Variants in SPOCK1 observed in about 807,000 individuals in gnomAD.
SPOCK1 encodes the protein testican-1.
A neutral mutation model predicts 55.3 loss-of-function variants in SPOCK1; 23 were observed. The observed-to-expected ratio is 0.42, with a 90% CI of 0.30 to 0.59. SPOCK1 has a LOEUF of 0.59. Among genes scored for constraint, SPOCK1 ranks in the 20% least tolerant of loss-of-function variants. The probability of loss-of-function intolerance (pLI) is 0.22; values close to 1 mark genes in which losing one functional copy is unlikely to be tolerated. For missense variants in SPOCK1, 499 were observed against 552.5 expected, an observed-to-expected ratio of 0.90 and a Z score of 0.97; for synonymous variants, 226 against 221.0, an observed-to-expected ratio of 1.02 and a Z score of -0.20.
intron 5 of SPOCK1, among the ~76,000 whole-genome samples, chr5:137,070,011 G>A (rs932601241): frequency 6.6e-6 from 1 of 152,152 alleles, no homozygotes; most frequent in African/African-American, 2.4e-5. Flanking sequence ...TCTTGCAGCA[G>A]CACCTCCCTG....
intron 2 of SPOCK1, among the ~76,000 whole-genome samples, chr5:137,495,410 A>C (rs995873888): frequency 3.3e-5 from 5 of 152,220 alleles, no homozygotes; most frequent in African/African-American, 4.8e-5. Context: ...CTCTAAGAGC[A>C]GCCCTTAGTT....
chr5:137,482,921 G>A (rs941982451), intron 2 of SPOCK1, among the ~76,000 whole-genome samples: 1 of 152,124 alleles, frequency 6.6e-6, no homozygotes, highest in African/African-American at 2.4e-5. Context: ...TAACTCATAG[G>A]TAAATAAACA....
intron 2 of SPOCK1, among the ~76,000 whole-genome samples, chr5:137,288,462 A>T (rs1000659633): frequency 3.2e-4 from 48 of 152,204 alleles, no homozygotes; most frequent in African/African-American, 1.1e-3. Context: ...CTTCCCAGGC[A>T]CAGCCAATTC....
chr5:137,121,778 T>C (rs62374898), intron 4 of SPOCK1, among the ~76,000 whole-genome samples: 2 of 146,836 alleles, frequency 1.4e-5, no homozygotes, highest in African/African-American at 2.5e-5. Context: ...ATATATAAAA[T>C]AGGGATACTA....
At chr5:137,278,071 T>C (rs1463806739) in intron 2 of SPOCK1, among the ~76,000 whole-genome samples, 1 of 152,128 alleles carries the variant, frequency 6.6e-6, no homozygotes, top group Non-Finnish European at 1.5e-5. Flanking sequence ...TGGCATGAAG[T>C]TTTCTTTAGC....
intron 2 of SPOCK1, among the ~76,000 whole-genome samples, chr5:137,473,725 C>T (rs1331468725): frequency 6.6e-6 from 1 of 152,142 alleles, no homozygotes; most frequent in Non-Finnish European, 1.5e-5. Context: ...AACACTACTC[C>T]TTTAAACCTT....
At chr5:137,421,492 G>A (rs962276083) in intron 2 of SPOCK1, among the ~76,000 whole-genome samples, 3 of 152,156 alleles carry the variant, frequency 2.0e-5, no homozygotes, top group Non-Finnish European at 2.9e-5. Context: ...TGTATTGGGT[G>A]CATATATATT....
chr5:137,498,736 G>C, intron 1 of SPOCK1, 178 bp from the exon 2 acceptor site: 1 of 311,080 alleles, frequency 3.2e-6, no homozygotes, highest in Non-Finnish European at 5.3e-6. Flanking sequence ...CTCACGAATG[G>C]GGGACTCATC....
At chr5:137,292,426 TAAAAAAAAAAAAAAAAAAAAAAAAAA>T (rs753574851) in intron 2 of SPOCK1, among the ~76,000 whole-genome samples, 726 of 38,014 alleles carry the variant, frequency 0.019, 14 homozygotes, top group Middle Eastern at 0.12. Flanking sequence ...CTGGTGTAGT[TAAAAAAAAAAAAAAAAAAAAAAAAAA>T]AAAAAAAAAA....
chr5:137,361,359 G>T (rs1459520411), intron 2 of SPOCK1, among the ~76,000 whole-genome samples: 4 of 152,214 alleles, frequency 2.6e-5, no homozygotes, highest in Admixed American at 2.0e-4. Flanking sequence ...TAATGGGAGA[G>T]ATAAGGTCTA....
At chr5:137,207,675 C>T (rs752152698) in intron 3 of SPOCK1, among the ~76,000 whole-genome samples, 1 of 152,078 alleles carries the variant, frequency 6.6e-6, no homozygotes, top group Admixed American at 6.5e-5. Flanking sequence ...GGGTCAGGAA[C>T]CAATATTTAC....
chr5:137,091,288 G>T (rs1251973153), intron 5 of SPOCK1, among the ~76,000 whole-genome samples: 1 of 152,180 alleles, frequency 6.6e-6, no homozygotes, highest in Admixed American at 6.5e-5. Context: ...ACAGTAGTAG[G>T]TGCTGTGAAT....
At chr5:137,106,652 C>T (rs1438483313) in intron 5 of SPOCK1, among the ~76,000 whole-genome samples, 1 of 152,134 alleles carries the variant, frequency 6.6e-6, no homozygotes, top group South Asian at 2.1e-4. Flanking sequence ...CTCCCTCACA[C>T]CAGGCCCAGA....
chr5:137,007,634 A>G (rs536456567), intron 6 of SPOCK1, among the ~76,000 whole-genome samples: 1 of 152,334 alleles, frequency 6.6e-6, no homozygotes, highest in Non-Finnish European at 1.5e-5. Context: ...AAAAGTCAGG[A>G]AACAAAAGAT....
intron 2 of SPOCK1, among the ~76,000 whole-genome samples, chr5:137,287,937 G>C (rs1299801386): frequency 2.0e-5 from 3 of 152,152 alleles, no homozygotes; most frequent in African/African-American, 7.2e-5. Flanking sequence ...AAATGCAAAG[G>C]GAAGTCCCAT....
chr5:137,018,684 T>C (rs1283697868), intron 6 of SPOCK1, among the ~76,000 whole-genome samples: 1 of 152,226 alleles, frequency 6.6e-6, no homozygotes, highest in Admixed American at 6.5e-5. Flanking sequence ...TCTCTCCTTA[T>C]TATACAAATG....
In SPOCK1 at chr5:137,182,424, C is replaced by G. The variant is rs1580794672; in HGVS notation, c.233-41730G>C. On this transcript the variant is annotated intron_variant, in intron 3 of 10. Coordinates refer to ENST00000394945, the MANE Select transcript of SPOCK1 (RefSeq NM_004598.4). ...ACTTTTCCTAAACAATGTCTCAGCT[C>G]TTGGTTATTCAACAAATATTTGCCA... Among the ~76,000 whole-genome samples, 4 of 152,228 alleles carry G rather than the reference C, an allele frequency of 2.6e-5. No individual in the cohort carries two copies. The East Asian group carries it at 5.8e-4, about 22-fold the overall frequency.
chr5:137,461,205 A>C (rs1294034269), intron 2 of SPOCK1, among the ~76,000 whole-genome samples: 1 of 152,242 alleles, frequency 6.6e-6, no homozygotes, highest in South Asian at 2.1e-4. Context: ...AAATGGAATA[A>C]TTAATCAGTC....
At chr5:137,167,461 A>C (rs994228935) in intron 3 of SPOCK1, among the ~76,000 whole-genome samples, 1 of 147,504 alleles carries the variant, frequency 6.8e-6, no homozygotes, top group Non-Finnish European at 1.5e-5. Context: ...ACTATAGACC[A>C]AATGAATCTA....
Sources: gnomAD v4.1 joint callset for allele counts (sites outside exome capture counted in the v4.1 genomes callset) on GRCh38, gnomAD v4.1.1 for gene constraint, MANE v1.5 for transcripts, NCBI Gene and HGNC (gene_info 2026-07-23, HGNC 2026-07-21) for gene names.